The following CDH13 variants were observed in gnomAD, a reference collection of about 807,000 sequenced individuals.
CDH13 encodes the protein cadherin 13, also known as cadherin-13.
CDH13 carries 24 observed loss-of-function variants against 63.8 expected under a neutral mutation model. The ratio of observed to expected loss-of-function variants is 0.38; its 90% confidence interval spans 0.27 to 0.53. The LOEUF (loss-of-function observed/expected upper bound fraction) is 0.53, where lower values mean the gene tolerates loss of function less well. CDH13 is among the 20% of genes least tolerant of loss of function. CDH13 has a pLI of 0.85. For missense variants in CDH13, 1,049 were observed against 903.1 expected (o/e 1.16, Z -2.07); for synonymous variants, 503 against 355.3 (o/e 1.42, Z -4.67).
chr16:83,114,958 T>C (rs2035226244), intron 3 of CDH13, among the ~76,000 whole-genome samples: 1 of 152,228 alleles, frequency 6.6e-6, no homozygotes, highest in African/African-American at 2.4e-5. Context: ...TTCCATTCAT[T>C]TGCAAAAATT....
chr16:82,990,509 A>G (rs993011421), intron 2 of CDH13, among the ~76,000 whole-genome samples: 1 of 149,340 alleles, frequency 6.7e-6, no homozygotes, highest in African/African-American at 2.5e-5. Context: ...AAAAGCTTCC[A>G]TCTCTTCCTT....
At chr16:82,994,543 C>G (rs138875030) in intron 2 of CDH13, among the ~76,000 whole-genome samples, 1 of 152,314 alleles carries the variant, frequency 6.6e-6, no homozygotes, top group East Asian at 1.9e-4. Context: ...TTGGTTATTT[C>G]TCTCTCACTC....
intron 5 of CDH13, among the ~76,000 whole-genome samples, chr16:83,251,303 T>C (rs1905500522): frequency 6.6e-6 from 1 of 152,252 alleles, no homozygotes; most frequent in Non-Finnish European, 1.5e-5. Context: ...AAGTGTTTTA[T>C]TAGGTACCAG....
intron 8 of CDH13, among the ~76,000 whole-genome samples, chr16:83,668,126 G>A (rs563045280): frequency 3.9e-5 from 6 of 152,272 alleles, no homozygotes; most frequent in South Asian, 2.1e-4. Context: ...GCAGAATCAG[G>A]TGTCAGTCAA....
intron 1 of CDH13, among the ~76,000 whole-genome samples, chr16:82,697,202 A>G (rs1278869210): frequency 6.6e-6 from 1 of 152,170 alleles, no homozygotes; most frequent in Non-Finnish European, 1.5e-5. Context: ...ATTTGTGGAT[A>G]TATTTCAAAA....
At chr16:83,702,136 A>G (rs1016746461) in intron 10 of CDH13, among the ~76,000 whole-genome samples, 6 of 152,212 alleles carry the variant, frequency 3.9e-5, no homozygotes, top group Admixed American at 6.5e-5. Flanking sequence ...ACCTTTCCTC[A>G]TCATTTCCTT....
rs1222262790 is a variant in CDH13 at position 83,798,599 on chromosome 16, A to C, written c.*3569A>C. 1 of 152,184 alleles carries C rather than the reference A, an allele frequency of 6.6e-6. No homozygotes were observed. The highest frequency in any genetic ancestry group is 6.5e-5 in the Admixed American group (1 of 15,270). 9.4% of individuals were successfully genotyped at this position (152,184 alleles called of 1,614,324 possible). A position where few individuals can be genotyped will look rare whatever the true frequency, so the allele number is the denominator to read the frequency against. ...GGCCTCCAGAACCAAACCTCAGGCT[A>C]TCTGGCTCCAGGGTTCATGTTCTTC... On this transcript the variant is annotated 3_prime_UTR_variant, in exon 14 of 14. Coordinates refer to ENST00000567109, the MANE Select transcript of CDH13 (RefSeq NM_001257.5).
At chr16:83,042,192 C>T (rs1917387277) in intron 3 of CDH13, among the ~76,000 whole-genome samples, 2 of 152,270 alleles carry the variant, frequency 1.3e-5, no homozygotes, top group Middle Eastern at 3.4e-3. Context: ...AGTACCAGTC[C>T]GTGGCCTGTT....
chr16:83,506,947 A>G (rs4782806), intron 7 of CDH13, among the ~76,000 whole-genome samples: 107,983 of 152,156 alleles, frequency 0.71, 39,385 homozygotes, highest in East Asian at 0.89. Flanking sequence ...ACAGCTGAGC[A>G]GCTTCCATAT....
chr16:83,059,789 GTTTGTTTTTTTTTTTTTT>G, intron 3 of CDH13, among the ~76,000 whole-genome samples: 1 of 98,748 alleles, frequency 1.0e-5, no homozygotes, highest in African/African-American at 3.7e-5. Context: ...TTTTTTTTTT[GTTTGTTTTTTTTTTTTTT>G]TTTTTTAGAA....
intron 8 of CDH13, among the ~76,000 whole-genome samples, chr16:83,616,519 A>G (rs1198903667): frequency 1.3e-5 from 2 of 152,154 alleles, no homozygotes; most frequent in Admixed American, 6.5e-5. Flanking sequence ...GCCACTCCAT[A>G]GCACAGTGGC....
chr16:83,787,430 AC>A (rs1182727532), intron 13 of CDH13, among the ~76,000 whole-genome samples: 2 of 152,158 alleles, frequency 1.3e-5, no homozygotes, highest in Non-Finnish European at 2.9e-5. Flanking sequence ...CCTTGGCTGA[AC>A]CCCGCTCTGC....
At position 83,368,884 on chromosome 16, in the gene CDH13, TTATATATATATATATATATATATATA is replaced by T. The variant is rs150563585; in HGVS notation, c.781+23907_781+23932del. Among the ~76,000 whole-genome samples the T allele has an allele frequency of 4.9e-3, 233 of 47,706 alleles. 7 individuals carry two copies. Among genetic ancestry groups the T allele is most frequent in the African/African-American group, 8.8e-3 (199 of 22,730 alleles). The allele number at this position is 47,706 out of a possible 152,430, so 31.3% of individuals were successfully genotyped here. ...TATGGCTGAGTAGTAGTATTCCATG[TTATATATATATATATATATATATATA>T]TATATATATATATATATATATATAT... On this transcript the variant is annotated intron_variant, in intron 6 of 13. Transcript: ENST00000567109.
intron 7 of CDH13, among the ~76,000 whole-genome samples, chr16:83,553,073 C>T (rs980719443): frequency 2.0e-4 from 19 of 93,130 alleles, no homozygotes; most frequent in African/African-American, 6.8e-4. Context: ...AGTGAGACTC[C>T]ATCTCAAAAA....
At chr16:83,577,361 C>T (rs948994601) in intron 7 of CDH13, among the ~76,000 whole-genome samples, 1 of 152,214 alleles carries the variant, frequency 6.6e-6, no homozygotes, top group South Asian at 2.1e-4. Context: ...CCATGTCACG[C>T]CTCACTGCCA....
intron 6 of CDH13, among the ~76,000 whole-genome samples, chr16:83,437,174 C>T (rs1036793769): frequency 6.6e-6 from 1 of 152,030 alleles, no homozygotes; most frequent in Non-Finnish European, 1.5e-5. Flanking sequence ...GTTAAAAGCA[C>T]AGAGTCCAGA....
At chr16:82,866,270 A>G (rs2040134284) in intron 2 of CDH13, among the ~76,000 whole-genome samples, 1 of 151,370 alleles carries the variant, frequency 6.6e-6, no homozygotes, top group African/African-American at 2.4e-5. Context: ...CCTGCCTGTT[A>G]CACATTTCCA....
At chr16:83,672,409 CTTTTTTTTTTTTTT>C (rs34156503) in intron 9 of CDH13, among the ~76,000 whole-genome samples, 110 of 35,142 alleles carry the variant, frequency 3.1e-3, no homozygotes, top group African/African-American at 7.2e-3. Flanking sequence ...TCTGGATTCT[CTTTTTTTTTTTTTT>C]TTTTTTTTTT....
intron 5 of CDH13, among the ~76,000 whole-genome samples, chr16:83,268,210 A>G (rs1366367811): frequency 7.9e-5 from 12 of 152,194 alleles, no homozygotes; most frequent in Admixed American, 7.8e-4. Context: ...TGTCTTTAGA[A>G]CAGTGGTGTA....
Sources: gnomAD v4.1 joint callset for allele counts (sites outside exome capture counted in the v4.1 genomes callset) on GRCh38, gnomAD v4.1.1 for gene constraint, MANE v1.5 for transcripts, NCBI Gene and HGNC (gene_info 2026-07-23, HGNC 2026-07-21) for gene names.